DIAPH2: variants seen among roughly 807,000 people sequenced by gnomAD.
DIAPH2 encodes diaphanous related formin 2, also known as protein diaphanous homolog 2.
Under a neutral mutation model 92.7 loss-of-function variants are expected in DIAPH2, and 35 were observed. The ratio of observed to expected loss-of-function variants is 0.38; its 90% CI spans 0.29 to 0.50. The LOEUF (loss-of-function observed/expected upper bound fraction) is 0.50. DIAPH2 is among the 20% of genes least tolerant of loss of function. The pLI, the probability that DIAPH2 is intolerant of heterozygous loss-of-function variation, is 0.94. For missense variants in DIAPH2, 701 were observed against 819.5 expected (o/e 0.86, Z 1.77); for synonymous variants, 301 against 280.4 (o/e 1.07, Z -0.73).
chrX:96,871,469 CAAAAA>C (rs34852539), intron 4 of DIAPH2, among the ~76,000 whole-genome samples: 4 of 28,816 alleles, frequency 1.4e-4, no homozygotes, highest in Admixed American at 1.2e-3. Context: ...GACTCCGTCT[CAAAAA>C]AAAAAAAAAA....
intron 4 of DIAPH2, among the ~76,000 whole-genome samples, chrX:96,765,812 T>C (rs924493611): frequency 1.3e-4 from 15 of 111,537 alleles, no homozygotes; most frequent in African/African-American, 4.9e-4. Flanking sequence ...TACTGGTACC[T>C]GTCTTCTATC....
At chrX:96,995,194 C>T (rs765883935) in intron 17 of DIAPH2, among the ~76,000 whole-genome samples, 2 of 111,075 alleles carry the variant, frequency 1.8e-5, no homozygotes, top group Non-Finnish European at 3.8e-5. Context: ...ATAAAGGCAG[C>T]AAATATATTT....
chrX:97,523,137 G>A (rs929970872), intron 26 of DIAPH2, among the ~76,000 whole-genome samples: 1 of 111,599 alleles, frequency 9.0e-6, no homozygotes, highest in Admixed American at 9.5e-5. Flanking sequence ...CTTTTCTTAC[G>A]AGACTTTTGT....
Position 96,719,479 on chromosome X carries a change from G to A in DIAPH2, c.133-16279G>A, listed in dbSNP as rs1188779477. On this transcript the variant is annotated intron_variant, in intron 1 of 26. Transcript: ENST00000324765. ...ATTTTTGTATATGGAGAGACACAGG[G>A]GTCTAGTTTCTTTCTTCTGCATATG... Among the ~76,000 whole-genome samples the A allele has an allele frequency of 2.7e-5, 3 of 111,811 alleles. No homozygotes were observed. In the East Asian group the frequency reaches 8.4e-4, roughly 31 times the overall value.
intron 26 of DIAPH2, among the ~76,000 whole-genome samples, chrX:97,439,169 T>G (rs1270929605): frequency 9.0e-6 from 1 of 111,373 alleles, no homozygotes; most frequent in African/African-American, 3.3e-5. Context: ...GGCTCACACC[T>G]TTAATCCCAG....
At chrX:97,184,862 G>A (rs1387030451) in intron 22 of DIAPH2, among the ~76,000 whole-genome samples, 1 of 111,127 alleles carries the variant, frequency 9.0e-6, no homozygotes, top group African/African-American at 3.3e-5. Flanking sequence ...GAACCTTAGA[G>A]GATCATCTAA....
intron 26 of DIAPH2, chrX:97,469,809 G>A: frequency 1.7e-6 from 2 of 1,169,626 alleles, no homozygotes; most frequent in Non-Finnish European, 2.3e-6. Flanking sequence ...AGATAATCAA[G>A]TAGTAAAAGT....
chrX:97,583,000 C>T (rs1195810054), intron 26 of DIAPH2, among the ~76,000 whole-genome samples: 1 of 111,981 alleles, frequency 8.9e-6, no homozygotes, highest in African/African-American at 3.2e-5. Context: ...TCACATAGTT[C>T]TCGAGCTTTG....
At chrX:97,290,029 C>T (rs983911581) in intron 23 of DIAPH2, among the ~76,000 whole-genome samples, 3 of 106,910 alleles carry the variant, frequency 2.8e-5, no homozygotes, top group African/African-American at 1.0e-4. Context: ...CACTGCTTGA[C>T]CTCATCCCTT....
chrX:97,087,138 A>T (rs919318224), intron 19 of DIAPH2, among the ~76,000 whole-genome samples: 2 of 111,649 alleles, frequency 1.8e-5, no homozygotes, highest in Non-Finnish European at 3.8e-5. Context: ...ATTTTACTTA[A>T]TGCAGTATAA....
intron 19 of DIAPH2, among the ~76,000 whole-genome samples, 181 bp downstream of exon 19, chrX:97,075,442 C>G (rs1281242604): frequency 9.0e-6 from 1 of 111,724 alleles, no homozygotes; most frequent in Non-Finnish European, 1.9e-5. Flanking sequence ...TATAGAAAAT[C>G]TAGGTTCTAA....
At chrX:97,565,621 A>C (rs2071321524) in intron 26 of DIAPH2, among the ~76,000 whole-genome samples, 1 of 112,233 alleles carries the variant, frequency 8.9e-6, no homozygotes, top group African/African-American at 3.2e-5. Context: ...ATGCAGAATA[A>C]TCTCTTCAGG....
chrX:96,741,982 CACATT>C (rs1457849010), intron 3 of DIAPH2, among the ~76,000 whole-genome samples: 1 of 111,715 alleles, frequency 9.0e-6, no homozygotes, highest in Non-Finnish European at 1.9e-5. Flanking sequence ...ACTTAGTCCT[CACATT>C]TGAACTCCAG....
At chrX:96,969,941 G>T in intron 17 of DIAPH2, among the ~76,000 whole-genome samples, 1 of 111,397 alleles carries the variant, frequency 9.0e-6, no homozygotes, top group Non-Finnish European at 1.9e-5. Flanking sequence ...AGGGATGCTG[G>T]ATCTTATTGA....
chrX:96,804,754 C>T (rs1420360191), intron 4 of DIAPH2, among the ~76,000 whole-genome samples: 1 of 110,973 alleles, frequency 9.0e-6, no homozygotes, highest in Non-Finnish European at 1.9e-5. Flanking sequence ...TAAATATATG[C>T]TAAAATTTAA....
chrX:97,554,899 C>T (rs990908540), intron 26 of DIAPH2, among the ~76,000 whole-genome samples: 6 of 111,509 alleles, frequency 5.4e-5, no homozygotes, highest in East Asian at 2.8e-4. Flanking sequence ...GGTGTCTCAA[C>T]GCTGGCCCAC....
chrX:97,188,099 C>A (rs1026595197), intron 22 of DIAPH2, among the ~76,000 whole-genome samples: 1 of 111,519 alleles, frequency 9.0e-6, no homozygotes, highest in African/African-American at 3.3e-5. Context: ...GAGTAGAAGA[C>A]GAAGATTGCA....
chrX:97,282,537 C>T (rs1398535071), intron 23 of DIAPH2, among the ~76,000 whole-genome samples: 1 of 111,423 alleles, frequency 9.0e-6, no homozygotes, highest in East Asian at 2.8e-4. Flanking sequence ...TCTCGAACCC[C>T]TGACCTCATG....
At chrX:96,959,284 A>G (rs2065832355) in intron 16 of DIAPH2, among the ~76,000 whole-genome samples, 1 of 111,557 alleles carries the variant, frequency 9.0e-6, no homozygotes, top group South Asian at 3.8e-4. Context: ...CATCTTTGCC[A>G]GCATTTTGTC....
Sources: allele counts gnomAD v4.1 joint callset (sites outside exome capture counted in the v4.1 genomes callset), GRCh38; gene constraint gnomAD v4.1.1; transcripts MANE v1.5; gene names NCBI Gene and HGNC (gene_info 2026-07-23, HGNC 2026-07-21).